The following ZNF385D variants were observed in gnomAD, a reference collection of about 807,000 sequenced individuals.
The protein encoded by ZNF385D is zinc finger protein 385D, also known as zinc finger protein 659.
Under a neutral mutation model 35.8 loss-of-function variants are expected in ZNF385D, and 15 were observed. The observed-to-expected ratio is 0.42, with a 90% CI of 0.28 to 0.64. The LOEUF (loss-of-function observed/expected upper bound fraction) is 0.64, where lower values mean the gene tolerates loss of function less well. Ranked by LOEUF, ZNF385D falls within the 30% of genes least tolerant of loss-of-function variation. ZNF385D has a pLI of 0.23. For synonymous variants in ZNF385D, 212 were observed against 186.8 expected, an observed-to-expected ratio of 1.13 and a Z score of -1.10; for missense variants, 474 against 494.6, an observed-to-expected ratio of 0.96 and a Z score of 0.39.
intron 2 of ZNF385D, among the ~76,000 whole-genome samples, chr3:22,297,177 G>T (rs934944419): frequency 2.0e-5 from 3 of 152,174 alleles, no homozygotes; most frequent in Middle Eastern, 6.8e-3. Context: ...CAGAAAGACT[G>T]ACTTGTTCCT....
chr3:21,728,182 G>A (rs1218670848), intron 1 of ZNF385D, among the ~76,000 whole-genome samples: 1 of 151,980 alleles, frequency 6.6e-6, no homozygotes, highest in Non-Finnish European at 1.5e-5. Context: ...AATACCTAAT[G>A]TAAGTGACGG....
At chr3:21,680,079 T>G (rs377249693) in intron 1 of ZNF385D, among the ~76,000 whole-genome samples, 1 of 151,872 alleles carries the variant, frequency 6.6e-6, no homozygotes, top group East Asian at 1.9e-4. Context: ...AAAAATAGAG[T>G]CACACTAATT....
At chr3:22,187,157 C>G (rs1695691772) in intron 2 of ZNF385D, among the ~76,000 whole-genome samples, 1 of 152,134 alleles carries the variant, frequency 6.6e-6, no homozygotes, top group African/African-American at 2.4e-5. Context: ...AATTTCGTGG[C>G]CATTCTTCAC....
intron 1 of ZNF385D, among the ~76,000 whole-genome samples, chr3:21,749,452 TTCAG>T (rs2069949902): frequency 6.6e-6 from 1 of 152,240 alleles, no homozygotes; most frequent in Non-Finnish European, 1.5e-5. Context: ...TTCATCATCC[TTCAG>T]TATCATTACT....
chr3:22,312,669 C>T (rs550395410), intron 2 of ZNF385D, among the ~76,000 whole-genome samples: 32 of 151,922 alleles, frequency 2.1e-4, no homozygotes, highest in Non-Finnish European at 3.5e-4. Flanking sequence ...TATCACTGGC[C>T]ATCAGAGAAA....
At chr3:22,217,695 G>C (rs17011036) in intron 2 of ZNF385D, among the ~76,000 whole-genome samples, 1 of 152,120 alleles carries the variant, frequency 6.6e-6, no homozygotes, top group Non-Finnish European at 1.5e-5. Flanking sequence ...GGCAAATATA[G>C]AGAGCATATT....
At chr3:21,950,699 A>C (rs1388242042) in intron 3 of ZNF385D, among the ~76,000 whole-genome samples, 1 of 151,716 alleles carries the variant, frequency 6.6e-6, no homozygotes, top group Non-Finnish European at 1.5e-5. Context: ...TTAAGTCTTT[A>C]ATCCATCTTG....
chr3:22,277,342 C>T (rs1466448638), intron 2 of ZNF385D, among the ~76,000 whole-genome samples: 1 of 152,028 alleles, frequency 6.6e-6, no homozygotes, highest in African/African-American at 2.4e-5. Context: ...CTAGACACAA[C>T]CTGTACTGGT....
At chr3:22,356,434 GT>G (rs1696152394) in intron 2 of ZNF385D, among the ~76,000 whole-genome samples, 1 of 151,888 alleles carries the variant, frequency 6.6e-6, no homozygotes, top group Non-Finnish European at 1.5e-5. Flanking sequence ...GCAGCAAATA[GT>G]GAGGGCAAAT....
At chr3:21,503,756 T>C (rs576165284) in intron 4 of ZNF385D, among the ~76,000 whole-genome samples, 2 of 152,260 alleles carry the variant, frequency 1.3e-5, no homozygotes, top group South Asian at 2.1e-4. Flanking sequence ...CCATCAGATA[T>C]CTTCTTTATC....
intron 3 of ZNF385D, among the ~76,000 whole-genome samples, chr3:22,128,359 G>A (rs1703567167): frequency 6.6e-6 from 1 of 151,956 alleles, no homozygotes. Flanking sequence ...TAAATTTCGT[G>A]AGGTACTCTT....
intron 2 of ZNF385D, among the ~76,000 whole-genome samples, chr3:22,205,506 A>T (rs1195060238): frequency 6.6e-6 from 1 of 152,056 alleles, no homozygotes; most frequent in Non-Finnish European, 1.5e-5. Context: ...TGGCATGTAA[A>T]CTATGCATAT....
chr3:22,173,760 C>G (rs1012264874), intron 2 of ZNF385D, among the ~76,000 whole-genome samples: 6 of 152,132 alleles, frequency 3.9e-5, no homozygotes, highest in Non-Finnish European at 7.4e-5. Context: ...CGTATACAAA[C>G]TTACAATGGA....
intron 2 of ZNF385D, among the ~76,000 whole-genome samples, chr3:22,359,079 A>C (rs569975016): frequency 4.4e-4 from 58 of 133,168 alleles, no homozygotes; most frequent in Non-Finnish European, 6.2e-4. Flanking sequence ...AAAACCAAAA[A>C]AAAAAACAAA....
At chr3:21,888,045 T>C (rs1461543523) in intron 3 of ZNF385D, among the ~76,000 whole-genome samples, 1 of 152,204 alleles carries the variant, frequency 6.6e-6, no homozygotes, top group Non-Finnish European at 1.5e-5. Flanking sequence ...CTGTTTACTT[T>C]CTTTTCCCCC....
upstream of ZNF385D, among the ~76,000 whole-genome samples, chr3:21,752,362 A>G (rs1473154809): frequency 6.6e-6 from 1 of 152,240 alleles, no homozygotes; most frequent in Non-Finnish European, 1.5e-5. Flanking sequence ...GGAAGAATGC[A>G]ATTGATATAT....
intron 3 of ZNF385D, among the ~76,000 whole-genome samples, chr3:21,925,751 T>C (rs944883169): frequency 6.6e-6 from 1 of 152,044 alleles, no homozygotes; most frequent in Non-Finnish European, 1.5e-5. Flanking sequence ...ATCTAGAATA[T>C]ATAGTCCAAT....
At chr3:21,673,577 T>G (rs1033343809) in intron 1 of ZNF385D, among the ~76,000 whole-genome samples, 11 of 152,250 alleles carry the variant, frequency 7.2e-5, no homozygotes, top group Admixed American at 4.6e-4. Flanking sequence ...CCAGACACCG[T>G]TGGGACCATG....
rs771477419 is a variant in ZNF385D at position 21,421,351 on chromosome 3, C to T, written c.1051G>A (p.Val351Met). The T allele has an allele frequency of 6.2e-7, 1 of 1,613,690 alleles. No individual in the cohort carries two copies. ...GTTCGAAGACTGAAGGGGGAACTCA[C>T]TGCCACTGCTGCTGCGGCTGCTGCA... The part of the protein sequence containing the change: ...AAAAAAAAVA[V>M]SSPFSLRTAP... The change falls in exon 8 of 8, where the codon GTG (valine) becomes ATG (methionine). Residue 351 changes from valine (V) to methionine (M), a missense_variant. By Grantham distance (21) the Val-to-Met change is conservative. Coordinates refer to ENST00000281523, the MANE Select transcript of ZNF385D (RefSeq NM_024697.3).
Sources: gnomAD v4.1 joint callset for allele counts (sites outside exome capture counted in the v4.1 genomes callset) on GRCh38, gnomAD v4.1.1 for gene constraint, MANE v1.5 for transcripts, NCBI Gene and HGNC (gene_info 2026-07-23, HGNC 2026-07-21) for gene names.